RILPL1: variants seen among roughly 807,000 people sequenced by gnomAD.
RILPL1 encodes the protein Rab interacting lysosomal protein like 1.
Under a neutral mutation model 50.3 loss-of-function variants are expected in RILPL1, and 33 were observed. The observed-to-expected ratio is 0.66, with a 90% CI of 0.50 to 0.88. RILPL1 has a LOEUF of 0.88. Ranked by LOEUF, RILPL1 falls within the 40% of genes least tolerant of loss-of-function variation. RILPL1 has a pLI of 0.00. For missense variants in RILPL1, 418 were observed against 542.5 expected (o/e 0.77, Z 2.28); for synonymous variants, 205 against 228.6 (o/e 0.90, Z 0.93).
chr12:123,521,093 ATCAGTAGG>A (rs1271546260), intron 2 of RILPL1, among the ~76,000 whole-genome samples: 2 of 152,152 alleles, frequency 1.3e-5, no homozygotes, highest in East Asian at 3.8e-4. Flanking sequence ...CATCTGTTCA[ATCAGTAGG>A]TTGGACTGGA....
chr12:123,523,299 T>C (rs1885133273), intron 2 of RILPL1, among the ~76,000 whole-genome samples, 196 bp downstream of exon 2: 1 of 152,204 alleles, frequency 6.6e-6, no homozygotes, highest in Non-Finnish European at 1.5e-5. Flanking sequence ...ACCTCTGTGT[T>C]ACCATCTGTA....
rs531023180 is a variant in RILPL1 at position 123,511,318 on chromosome 12, GGTGT to G, written c.461-11786_461-11783del. ...TCTGTGCGGTGGCATCTGTGTGTGT[GGTGT>G]GTGAGGTCTGTGTGTAGTGTCAATG... On this transcript the variant is annotated intron_variant, in intron 2 of 6. Coordinates refer to ENST00000376874, the MANE Select transcript of RILPL1 (RefSeq NM_178314.5). Among the ~76,000 whole-genome samples, 378 of 110,330 alleles carry G rather than the reference GGTGT, an allele frequency of 3.4e-3. 2 individuals carry two copies. The highest frequency in any genetic ancestry group is 6.8e-3 in the Admixed American group (71 of 10,488). 72.4% of individuals were successfully genotyped at this position (110,330 alleles called of 152,430 possible).
intron 2 of RILPL1, among the ~76,000 whole-genome samples, chr12:123,500,580 C>T (rs1883318931): frequency 6.6e-6 from 1 of 152,098 alleles, no homozygotes; most frequent in African/African-American, 2.4e-5. Context: ...CCACCGCACC[C>T]AGCCTCTTAC....
intron 6 of RILPL1, among the ~76,000 whole-genome samples, chr12:123,482,955 G>A (rs1005309317): frequency 3.3e-5 from 5 of 152,124 alleles, no homozygotes; most frequent in Non-Finnish European, 5.9e-5. Context: ...AAACCTGCAC[G>A]GCTCTGCATT....
intron 2 of RILPL1, chr12:123,513,352 A>G: frequency 2.5e-6 from 1 of 399,654 alleles, no homozygotes; most frequent in Non-Finnish European, 5.2e-6. Context: ...GCCAGGACCC[A>G]CTCACTCATT....
At chr12:123,527,647 A>G (rs1318961824) in intron 1 of RILPL1, among the ~76,000 whole-genome samples, 1 of 152,106 alleles carries the variant, frequency 6.6e-6, no homozygotes, top group South Asian at 2.1e-4. Flanking sequence ...TGGGTGACAG[A>G]CTGAAACTGT....
Position 123,502,299 on chromosome 12 carries a change from C to T in RILPL1, c.461-2763G>A, listed in dbSNP as rs566193260. ...GGGTGACTGTAGTCTGAGGCTGGAC[C>T]GGCCACTGCCGGGCAGACGTCGTAG... On this transcript the variant is annotated intron_variant, in intron 2 of 6. Coordinates refer to ENST00000376874, the MANE Select transcript of RILPL1 (RefSeq NM_178314.5). 2.6e-5 allele frequency among the ~76,000 whole-genome samples: 4 copies of T among 152,316 alleles called. No individual in the cohort carries two copies. In the South Asian group the frequency reaches 6.2e-4, roughly 24 times the overall value.
intron 4 of RILPL1, among the ~76,000 whole-genome samples, chr12:123,495,654 G>A (rs529587245): frequency 4.2e-5 from 6 of 141,228 alleles, no homozygotes; most frequent in South Asian, 4.6e-4. Flanking sequence ...GATTACAGGC[G>A]TGAGCCACCG....
chr12:123,477,337 C>CTTTTTTTTTTTT (rs371346379), intron 6 of RILPL1, among the ~76,000 whole-genome samples: 12 of 105,340 alleles, frequency 1.1e-4, no homozygotes, highest in Non-Finnish European at 1.4e-4. Context: ...TTCTTTCTTT[C>CTTTTTTTTTTTT]TTTTTTTTTT....
At chr12:123,512,876 CTG>C (rs143209721) in intron 2 of RILPL1, among the ~76,000 whole-genome samples, 39 of 109,748 alleles carry the variant, frequency 3.6e-4, no homozygotes, top group African/African-American at 1.0e-3. Context: ...TGTGTGAGGT[CTG>C]TGTGTGTGTG....
At chr12:123,521,438 G>T (rs1275990439) in intron 2 of RILPL1, among the ~76,000 whole-genome samples, 1 of 151,276 alleles carries the variant, frequency 6.6e-6, no homozygotes, top group Non-Finnish European at 1.5e-5. Context: ...AAGGAAAAGA[G>T]AATCCAGACC....
At chr12:123,523,088 A>C (rs2139385439) in intron 2 of RILPL1, among the ~76,000 whole-genome samples, 1 of 152,178 alleles carries the variant, frequency 6.6e-6, no homozygotes, top group South Asian at 2.1e-4. Context: ...TCACTCTATC[A>C]CATGCCCCAC....
intron 2 of RILPL1, among the ~76,000 whole-genome samples, chr12:123,512,812 G>C (rs952127173): frequency 1.4e-5 from 2 of 145,216 alleles, no homozygotes; most frequent in Non-Finnish European, 3.0e-5. Context: ...TGTGGTGTGA[G>C]ATCTGTGTAT....
At chr12:123,511,321 GTGTGAGGTCTGTGTGTAGTGTCAA>G (rs1287262569) in intron 2 of RILPL1, among the ~76,000 whole-genome samples, 3 of 147,946 alleles carry the variant, frequency 2.0e-5, no homozygotes, top group Admixed American at 6.8e-5. Flanking sequence ...TGTGTGTGGT[GTGTGAGGTCTGTGTGTAGTGTCAA>G]TGTGAGGTCT....
At chr12:123,519,171 T>C (rs1884884563) in intron 2 of RILPL1, among the ~76,000 whole-genome samples, 9 of 152,114 alleles carry the variant, frequency 5.9e-5, no homozygotes, top group Admixed American at 5.9e-4. Flanking sequence ...TGTTGTTCTG[T>C]AATGCCCTTC....
rs1483087663 is a variant in RILPL1 at position 123,472,205 on chromosome 12, G to A, written c.*333C>T. 4 of 271,328 alleles carry A rather than the reference G, an allele frequency of 1.5e-5. No individual in the cohort carries two copies. The highest frequency in any genetic ancestry group is 8.6e-5 in the African/African-American group (4 of 46,594). 16.8% of individuals were successfully genotyped at this position (271,328 alleles called of 1,614,324 possible). ...CAAAGCAAGTCAAACAGCAATGATA[G>A]TGGCAAGTGATGTATTTGGCTTAAA... On this transcript the variant is annotated 3_prime_UTR_variant, in exon 7 of 7. Coordinates refer to ENST00000376874, the MANE Select transcript of RILPL1 (RefSeq NM_178314.5).
At position 123,489,975 on chromosome 12, in the gene RILPL1, G is replaced by A. The variant is rs533652268; in HGVS notation, c.802-4170C>T. ...ATTTTGGGCTTCCTGTGGAAAGTGC[G>A]CTGGAAGATCAGGCCCCACTGGCAA... On this transcript the variant is annotated intron_variant, in intron 4 of 6. Coordinates refer to ENST00000376874, the MANE Select transcript of RILPL1 (RefSeq NM_178314.5). This position sits in a 1 kb window ranked among gnomAD's most constrained non-coding sequence, Gnocchi z 4.0. 6.6e-6 allele frequency among the ~76,000 whole-genome samples: 1 copy of A among 152,232 alleles called. No individual in the cohort carries two copies. Among genetic ancestry groups the A allele is most frequent in the South Asian group, 2.1e-4 (1 of 4,828 alleles).
intron 1 of RILPL1, among the ~76,000 whole-genome samples, chr12:123,529,400 T>A (rs1283538644): frequency 1.1e-4 from 16 of 152,142 alleles, no homozygotes; most frequent in Admixed American, 1.0e-3. Flanking sequence ...CAAGCGATTC[T>A]CCTGCCTCTG....
intron 4 of RILPL1, among the ~76,000 whole-genome samples, chr12:123,497,552 C>A (rs559410714): frequency 1.3e-5 from 2 of 151,816 alleles, no homozygotes; most frequent in Admixed American, 1.3e-4. Context: ...CCACACCCAG[C>A]TAATTTTGTA....
Sources: allele counts gnomAD v4.1 joint callset (sites outside exome capture counted in the v4.1 genomes callset), GRCh38; gene constraint gnomAD v4.1.1; non-coding constraint Gnocchi (gnomAD v3.1); transcripts MANE v1.5; gene names NCBI Gene and HGNC (gene_info 2026-07-23, HGNC 2026-07-21).